LHFPL3: variants seen among roughly 807,000 people sequenced by gnomAD.
LHFPL3 encodes LHFPL tetraspan subfamily member 3, also known as LHFPL tetraspan subfamily member 3 protein.
LHFPL3 carries 5 observed loss-of-function variants against 19.3 expected under a neutral mutation model. The observed-to-expected ratio is 0.26, with a 90% CI of 0.14 to 0.54. LHFPL3 has a LOEUF of 0.54. Ranked by LOEUF, LHFPL3 falls within the 20% of genes least tolerant of loss-of-function variation. LHFPL3 has a pLI of 0.94. For missense variants in LHFPL3, 249 were observed against 307.4 expected (o/e 0.81, Z 1.42); for synonymous variants, 133 against 126.2 (o/e 1.05, Z -0.36).
chr7:104,328,813 G>A lies in LHFPL3; in HGVS notation c.34G>A (p.Ala12Thr). 1 of 1,609,692 alleles carries A rather than the reference G, an allele frequency of 6.2e-7. No individual in the cohort carries two copies. The highest frequency in any genetic ancestry group is 2.2e-5 in the East Asian group (1 of 44,608). The change falls in exon 1 of 3, where the codon GCC becomes ACC. Residue 12 changes from alanine to threonine, a missense_variant. Ala to Thr is a moderately conservative substitution (Grantham distance 58, BLOSUM62 0). Coordinates refer to ENST00000424859, the MANE Select transcript of LHFPL3 (RefSeq NM_199000.3). This position sits in a 1 kb window ranked among gnomAD's most constrained non-coding sequence, Gnocchi z 4.6. ...AGCCGCCGCCGCTGCCGCCGCCGCCGCCGCCGCGATGCTCCCGGCTCAGGA... is the reference window on the plus strand; with the variant it reads ...AGCCGCCGCCGCTGCCGCCGCCGCCACCGCCGCGATGCTCCCGGCTCAGGA... Reference protein sequence around the residue: ...PGAAAAAAAAAAAMLPAQEAA... With the variant: ...PGAAAAAAAATAAMLPAQEAA...
At chr7:104,863,807 T>A (rs1440222838) in intron 2 of LHFPL3, among the ~76,000 whole-genome samples, 1 of 152,234 alleles carries the variant, frequency 6.6e-6, no homozygotes, top group African/African-American at 2.4e-5. Flanking sequence ...CCTTCTGTGA[T>A]GCTCCTCACT....
chr7:104,869,770 T>C (rs1791796500), intron 2 of LHFPL3, among the ~76,000 whole-genome samples: 1 of 152,214 alleles, frequency 6.6e-6, no homozygotes, highest in African/African-American at 2.4e-5. Context: ...TAAATCATGC[T>C]GCTATAAAGA....
At chr7:104,567,598 G>A (rs1369823152) in intron 1 of LHFPL3, among the ~76,000 whole-genome samples, 1 of 152,134 alleles carries the variant, frequency 6.6e-6, no homozygotes, top group East Asian at 1.9e-4. Context: ...CCTTTTTGGT[G>A]ACATTCCAGA....
chr7:104,851,794 G>A (rs892969230), intron 2 of LHFPL3, among the ~76,000 whole-genome samples: 2 of 152,104 alleles, frequency 1.3e-5, no homozygotes, highest in Non-Finnish European at 2.9e-5. Flanking sequence ...ACTTGGCGCT[G>A]AAGCTCCTTG....
chr7:104,388,647 A>C (rs967997047), intron 1 of LHFPL3, among the ~76,000 whole-genome samples: 7 of 152,186 alleles, frequency 4.6e-5, no homozygotes, highest in Non-Finnish European at 1.0e-4. Context: ...AGAAAATGCT[A>C]GCAACCTGAA....
At chr7:104,699,295 T>G (rs1793057247) in intron 1 of LHFPL3, among the ~76,000 whole-genome samples, 1 of 152,222 alleles carries the variant, frequency 6.6e-6, no homozygotes, top group African/African-American at 2.4e-5. Flanking sequence ...CATCAATAGA[T>G]GAATGTATAA....
At chr7:104,777,554 T>C (rs553500332) in intron 2 of LHFPL3, among the ~76,000 whole-genome samples, 10 of 152,346 alleles carry the variant, frequency 6.6e-5, no homozygotes, top group African/African-American at 2.4e-4. Flanking sequence ...GTCTGCAGTT[T>C]CTTATTTCCC....
At chr7:104,647,440 G>C (rs1791953986) in intron 1 of LHFPL3, among the ~76,000 whole-genome samples, 1 of 152,212 alleles carries the variant, frequency 6.6e-6, no homozygotes, top group Non-Finnish European at 1.5e-5. Context: ...TTGGGAATTT[G>C]TGTTCTACAG....
intron 2 of LHFPL3, among the ~76,000 whole-genome samples, 158 bp from the exon 3 acceptor site, chr7:104,906,029 C>T (rs566543981): frequency 6.6e-6 from 1 of 152,246 alleles, no homozygotes; most frequent in Admixed American, 6.5e-5. Context: ...CTCAAACTTT[C>T]CAGTATTGTT....
intron 1 of LHFPL3, among the ~76,000 whole-genome samples, chr7:104,341,263 T>G (rs1789944404): frequency 6.6e-6 from 1 of 152,236 alleles, no homozygotes; most frequent in Non-Finnish European, 1.5e-5. Context: ...GTTGTTCTAT[T>G]TTTCATTAAC....
chr7:104,401,301 A>G (rs553822806), intron 1 of LHFPL3, among the ~76,000 whole-genome samples: 5 of 152,332 alleles, frequency 3.3e-5, no homozygotes, highest in African/African-American at 1.2e-4. Flanking sequence ...TGAGAAAAAT[A>G]TTATTTTGTT....
chr7:104,718,379 C>A (rs1235463590), intron 1 of LHFPL3, among the ~76,000 whole-genome samples: 1 of 152,160 alleles, frequency 6.6e-6, no homozygotes, highest in East Asian at 1.9e-4. Context: ...GAAATGGATA[C>A]TCTATTTCCA....
intron 1 of LHFPL3, among the ~76,000 whole-genome samples, chr7:104,563,531 C>T (rs910396558): frequency 6.6e-6 from 1 of 152,284 alleles, no homozygotes. Context: ...ATGCCTCGCC[C>T]TGCTTCGGCT....
intron 2 of LHFPL3, among the ~76,000 whole-genome samples, chr7:104,846,008 C>T (rs1448033835): frequency 2.6e-5 from 4 of 152,176 alleles, no homozygotes; most frequent in East Asian, 1.9e-4. Context: ...CATATGTATG[C>T]GATGGAAACA....
chr7:104,906,148 C>A (rs1295384348), intron 2 of LHFPL3, 39 bp from the exon 3 acceptor site: 18 of 1,597,132 alleles, frequency 1.1e-5, no homozygotes, highest in Non-Finnish European at 1.4e-5. Flanking sequence ...TTTTCTCTCC[C>A]CCCACCCTTT....
At chr7:104,819,724 C>T (rs934986862) in intron 2 of LHFPL3, among the ~76,000 whole-genome samples, 8 of 152,176 alleles carry the variant, frequency 5.3e-5, no homozygotes, top group Non-Finnish European at 7.3e-5. Context: ...GGATTCCAGT[C>T]GCTTTATATT....
At chr7:104,601,432 G>C (rs1374686438) in intron 1 of LHFPL3, among the ~76,000 whole-genome samples, 2 of 152,182 alleles carry the variant, frequency 1.3e-5, no homozygotes, top group Admixed American at 6.5e-5. Flanking sequence ...AGGTATAGCA[G>C]TGAACAAAAT....
intron 1 of LHFPL3, among the ~76,000 whole-genome samples, chr7:104,427,607 G>A (rs571428251): frequency 9.2e-5 from 14 of 152,166 alleles, no homozygotes; most frequent in African/African-American, 2.6e-4. Context: ...TTCTACTATC[G>A]GTCTTTGTAT....
intron 1 of LHFPL3, among the ~76,000 whole-genome samples, chr7:104,377,736 A>G (rs1216963203): frequency 6.6e-6 from 1 of 152,176 alleles, no homozygotes; most frequent in Non-Finnish European, 1.5e-5. Flanking sequence ...ACCTCAAATC[A>G]TCACAGTATC....
Sources: gnomAD v4.1 joint callset for allele counts (sites outside exome capture counted in the v4.1 genomes callset) on GRCh38, gnomAD v4.1.1 for gene constraint, Gnocchi (gnomAD v3.1) non-coding constraint, MANE v1.5 for transcripts, NCBI Gene and HGNC (gene_info 2026-07-23, HGNC 2026-07-21) for gene names.